RIC3: variants seen among roughly 807,000 people sequenced by gnomAD.
The protein encoded by RIC3 is RIC3 acetylcholine receptor chaperone.
Under a neutral mutation model 27.3 loss-of-function variants are expected in RIC3, and 28 were observed. The ratio of observed to expected loss-of-function variants is 1.02; its 90% CI spans 0.76 to 1.41. RIC3 has a LOEUF of 1.41. RIC3 is among the 40% of genes most tolerant of loss of function. The pLI is 0.00. For synonymous variants in RIC3, 184 were observed against 160.4 expected, an observed-to-expected ratio of 1.15 and a Z score of -1.11; for missense variants, 501 against 444.7, an observed-to-expected ratio of 1.13 and a Z score of -1.14.
intron 4 of RIC3, among the ~76,000 whole-genome samples, chr11:8,130,702 T>G (rs1410264989): frequency 2.0e-5 from 3 of 152,196 alleles, no homozygotes; most frequent in Non-Finnish European, 4.4e-5. Context: ...GTTATTTTTC[T>G]AAAGCACAGC....
Position 8,149,179 on chromosome 11 carries a change from C to T in RIC3, c.125-8986G>A, listed in dbSNP as rs970218555. 4.0e-5 allele frequency among the ~76,000 whole-genome samples: 6 copies of T among 150,566 alleles called. No homozygotes were observed. In the East Asian group the frequency reaches 9.7e-4, roughly 24 times the overall value. ...CTGCACTCCAGCCTGGGTGACAGAG[C>T]GAGACTCTTGTCTCAAAAATAAATA... is the stretch of plus-strand genomic sequence containing the variant. On this transcript the variant is annotated intron_variant, in intron 1 of 5. Coordinates refer to ENST00000309737, the MANE Select transcript of RIC3 (RefSeq NM_001206671.4).
At chr11:8,145,229 T>C (rs994353886) in intron 1 of RIC3, among the ~76,000 whole-genome samples, 3 of 140,496 alleles carry the variant, frequency 2.1e-5, no homozygotes, top group Non-Finnish European at 3.1e-5. Context: ...GAAAATACAA[T>C]GTGGTCTCAG....
the RIC3 span, chr11:8,100,665 G>A: frequency 5.8e-6 from 9 of 1,564,064 alleles, no homozygotes; most frequent in South Asian, 2.2e-5. Flanking sequence ...AGCTTCTAAG[G>A]GCAGAACTCC....
chr11:8,157,154 C>T (rs962470179), intron 1 of RIC3, among the ~76,000 whole-genome samples: 1 of 152,132 alleles, frequency 6.6e-6, no homozygotes, highest in African/African-American at 2.4e-5. Context: ...AGACAAAAAA[C>T]AAGACCACTC....
Position 8,109,332 on chromosome 11 carries a change from T to C in RIC3, c.*1366A>G, listed in dbSNP as rs537981645. On this transcript the variant is annotated 3_prime_UTR_variant, in exon 6 of 6. Coordinates refer to ENST00000309737, the MANE Select transcript of RIC3 (RefSeq NM_001206671.4). ...TCATGACTGGGAATGTCTTTGGGAA[T>C]GTGCCCTCTTCGAACTCTCAGGTCT... 5.0e-4 allele frequency: 76 copies of C among 152,354 alleles called. No homozygotes were observed. Among genetic ancestry groups the C allele is most frequent in the African/African-American group, 1.8e-3 (74 of 41,584 alleles). The allele number at this position is 152,354 out of a possible 1,614,324, so 9.4% of individuals were successfully genotyped here.
chr11:8,128,997 G>A (rs938810694), intron 4 of RIC3, among the ~76,000 whole-genome samples: 7 of 151,636 alleles, frequency 4.6e-5, no homozygotes, highest in South Asian at 2.1e-4. Flanking sequence ...CTCGTGATCC[G>A]CCCGCCTCGG....
chr11:8,104,572 T>C (rs1327105410), downstream of RIC3: 1 of 152,180 alleles, frequency 6.6e-6, no homozygotes, highest in Non-Finnish European at 1.5e-5. Context: ...GTGGATTTTG[T>C]CCATTCATCT....
chr11:8,112,173 G>T (rs1229075358), intron 5 of RIC3, among the ~76,000 whole-genome samples: 2 of 151,884 alleles, frequency 1.3e-5, no homozygotes, highest in Admixed American at 1.3e-4. Context: ...AAAAAATACA[G>T]GCTAGTTTAA....
chr11:8,097,240 G>A, the RIC3 span: 5 of 1,614,086 alleles, frequency 3.1e-6, no homozygotes, highest in South Asian at 1.1e-5. Flanking sequence ...GGCAGCCTCA[G>A]CCCCTAGCCC....
At chr11:8,121,752 T>C (rs1946484809) in intron 5 of RIC3, among the ~76,000 whole-genome samples, 1 of 152,184 alleles carries the variant, frequency 6.6e-6, no homozygotes, top group East Asian at 1.9e-4. Flanking sequence ...TTCAATCATA[T>C]TTGTTATAAA....
chr11:8,096,954 C>A, the RIC3 span: 1 of 956,560 alleles, frequency 1.0e-6, no homozygotes, highest in Non-Finnish European at 1.6e-6. Context: ...CTAACCTCTT[C>A]AGCTAGGCCA....
chr11:8,105,448 C>A (rs1224053410), downstream of RIC3: 1 of 152,106 alleles, frequency 6.6e-6, no homozygotes, highest in Non-Finnish European at 1.5e-5. Context: ...TCAGTCATCT[C>A]ATGATACAGG....
At position 8,110,829 on chromosome 11, in the gene RIC3, A is replaced by G. The variant is rs1394412021; in HGVS notation, c.979T>C (p.Tyr327His). 2 of 1,614,206 alleles carry G rather than the reference A, an allele frequency of 1.2e-6. No individual in the cohort carries two copies. Among genetic ancestry groups the G allele is most frequent in the Non-Finnish European group, 1.7e-6 (2 of 1,180,042 alleles). ...TTGGTGGTTTCCTCTTGCTCAGGGT[A>G]GCTATCTGCACTGAATCCAGCATTC... ...AENAGFSADSYPEQEETTKEE... is the reference protein window; with the variant it reads ...AENAGFSADSHPEQEETTKEE... The change falls in exon 6 of 6, where the codon TAC becomes CAC. Residue 327 changes from tyrosine to histidine, a missense_variant. Transcript: ENST00000309737.
At chr11:8,157,195 A>G (rs992520158) in intron 1 of RIC3, among the ~76,000 whole-genome samples, 4 of 152,210 alleles carry the variant, frequency 2.6e-5, no homozygotes, top group Non-Finnish European at 4.4e-5. Context: ...ACAAAACATG[A>G]ACACTGTCCA....
At chr11:8,153,396 C>T in intron 1 of RIC3, 1 of 452,768 alleles carries the variant, frequency 2.2e-6, no homozygotes, top group Non-Finnish European at 4.4e-6. Context: ...AATCCAATGG[C>T]TTTTTGTCAG....
At chr11:8,140,531 T>C (rs576726430) in intron 1 of RIC3, among the ~76,000 whole-genome samples, 16 of 152,324 alleles carry the variant, frequency 1.1e-4, no homozygotes, top group African/African-American at 3.4e-4. Flanking sequence ...AAAATCTCCC[T>C]TGTTATTCAA....
chr11:8,098,496 ATCT>A, the RIC3 span, among the ~76,000 whole-genome samples: 1 of 152,118 alleles, frequency 6.6e-6, no homozygotes, highest in Admixed American at 6.5e-5. Flanking sequence ...CCCCAGATAA[ATCT>A]TCTGAAGAAT....
the RIC3 span, chr11:8,096,595 GTGTC>G: frequency 7.8e-5 from 67 of 859,282 alleles, no homozygotes; most frequent in Non-Finnish European, 1.3e-4. Flanking sequence ...AGGTGAGTCA[GTGTC>G]TGAACATGAG....
chr11:8,104,055 G>C (rs934816112), downstream of RIC3: 2 of 152,238 alleles, frequency 1.3e-5, no homozygotes, highest in Non-Finnish European at 2.9e-5. Flanking sequence ...TGCACTCCTG[G>C]TGATCCTGGT....
Sources: gnomAD v4.1 joint callset for allele counts (sites outside exome capture counted in the v4.1 genomes callset) on GRCh38, gnomAD v4.1.1 for gene constraint, MANE v1.5 for transcripts, NCBI Gene and HGNC (gene_info 2026-07-23, HGNC 2026-07-21) for gene names.